CDH13: variants seen among roughly 807,000 people sequenced by gnomAD.
CDH13 encodes cadherin-13.
CDH13 carries 24 observed loss-of-function variants against 63.8 expected under a neutral mutation model. The observed-to-expected ratio is 0.38, with a 90% CI of 0.27 to 0.53. CDH13 has a LOEUF of 0.53. Among genes scored for constraint, CDH13 ranks in the 20% least tolerant of loss-of-function variants. The probability of loss-of-function intolerance (pLI) is 0.85; values close to 1 mark genes in which losing one functional copy is unlikely to be tolerated. For missense variants in CDH13, 1,049 were observed against 903.1 expected (o/e 1.16, Z -2.07); for synonymous variants, 503 against 355.3 (o/e 1.42, Z -4.67).
At chr16:82,849,589 A>G (rs2151149288) in intron 1 of CDH13, among the ~76,000 whole-genome samples, 1 of 152,360 alleles carries the variant, frequency 6.6e-6, no homozygotes, top group South Asian at 2.1e-4. Context: ...GATCTAGCTA[A>G]GATCATTGAT....
At chr16:82,982,811 C>A (rs1168654491) in intron 2 of CDH13, among the ~76,000 whole-genome samples, 1 of 152,146 alleles carries the variant, frequency 6.6e-6, no homozygotes, top group Admixed American at 6.5e-5. Flanking sequence ...CCTAATATTC[C>A]CTCCATTTCC....
chr16:82,785,531 A>G (rs980058945), intron 1 of CDH13, among the ~76,000 whole-genome samples: 6 of 152,192 alleles, frequency 3.9e-5, no homozygotes, highest in Admixed American at 6.5e-5. Flanking sequence ...GGTACAAGAT[A>G]AATCACTCCA....
chr16:83,267,203 A>C (rs1907728457), intron 5 of CDH13, among the ~76,000 whole-genome samples: 1 of 152,162 alleles, frequency 6.6e-6, no homozygotes, highest in Non-Finnish European at 1.5e-5. Context: ...ACAAAGAGGA[A>C]AATTTATCAT....
intron 7 of CDH13, among the ~76,000 whole-genome samples, chr16:83,518,571 C>T (rs367872769): frequency 2.1e-4 from 32 of 151,116 alleles, no homozygotes; most frequent in African/African-American, 7.8e-4. Flanking sequence ...CTCCCGGGTT[C>T]ACGGCATTCT....
intron 1 of CDH13, among the ~76,000 whole-genome samples, chr16:82,731,746 A>G (rs1230705507): frequency 1.3e-5 from 2 of 152,230 alleles, no homozygotes; most frequent in African/African-American, 2.4e-5. Flanking sequence ...TGTGTGTACA[A>G]TTTACAATAT....
chr16:83,644,719 T>A (rs1201084601), intron 8 of CDH13, among the ~76,000 whole-genome samples: 1 of 152,188 alleles, frequency 6.6e-6, no homozygotes, highest in Non-Finnish European at 1.5e-5. Context: ...AGAGGTGGAA[T>A]TCTAGGCCTG....
At chr16:83,228,453 A>G (rs541811994) in intron 5 of CDH13, among the ~76,000 whole-genome samples, 20 of 152,344 alleles carry the variant, frequency 1.3e-4, no homozygotes, top group Admixed American at 1.3e-3. Context: ...AGGAAGGGAC[A>G]CTATCACTGT....
chr16:83,578,253 C>G (rs1450179451), intron 7 of CDH13, among the ~76,000 whole-genome samples: 1 of 152,146 alleles, frequency 6.6e-6, no homozygotes, highest in African/African-American at 2.4e-5. Context: ...TTGACTTGCT[C>G]AAATCCTGTA....
intron 3 of CDH13, among the ~76,000 whole-genome samples, chr16:83,068,932 A>G (rs1378729576): frequency 1.3e-5 from 2 of 152,198 alleles, no homozygotes; most frequent in African/African-American, 4.8e-5. Context: ...CCCACTGGTT[A>G]AGAATGTTTT....
At chr16:83,034,366 CA>C (rs1355144572) in intron 3 of CDH13, among the ~76,000 whole-genome samples, 1 of 152,062 alleles carries the variant, frequency 6.6e-6, no homozygotes, top group East Asian at 1.9e-4. Context: ...GGATAGATGG[CA>C]ACCTAAAAAC....
intron 5 of CDH13, among the ~76,000 whole-genome samples, chr16:83,340,717 G>A (rs777784485): frequency 3.9e-5 from 6 of 152,170 alleles, no homozygotes; most frequent in African/African-American, 1.2e-4. Flanking sequence ...CCTTTGAATA[G>A]CAAGGTACTA....
intron 3 of CDH13, among the ~76,000 whole-genome samples, chr16:83,036,165 T>TTTTTTTTC (rs1555567836): frequency 6.8e-6 from 1 of 147,990 alleles, no homozygotes; most frequent in African/African-American, 2.6e-5. Flanking sequence ...TTTTTTTTTT[T>TTTTTTTTC]TGAGATAGGG....
intron 1 of CDH13, among the ~76,000 whole-genome samples, chr16:82,820,203 A>T (rs1567568248): frequency 1.3e-5 from 2 of 152,204 alleles, no homozygotes; most frequent in Non-Finnish European, 2.9e-5. Context: ...AAATGACAGC[A>T]TCACCACAAA....
intron 6 of CDH13, among the ~76,000 whole-genome samples, chr16:83,436,786 T>A (rs1323026457): frequency 1.3e-5 from 2 of 152,226 alleles, no homozygotes; most frequent in Non-Finnish European, 2.9e-5. Flanking sequence ...GTTTTCAAGG[T>A]CTGCTGTGAA....
At chr16:83,254,965 TTC>T (rs1597602738) in intron 5 of CDH13, among the ~76,000 whole-genome samples, 2 of 6,130 alleles carry the variant, frequency 3.3e-4, no homozygotes, top group East Asian at 0.05. Context: ...CTTTCTTTCT[TTC>T]TTTCTTTCTT....
chr16:82,953,288 G>A (rs1905557110), intron 2 of CDH13: 1 of 152,104 alleles, frequency 6.6e-6, no homozygotes, highest in Middle Eastern at 3.4e-3. Flanking sequence ...TGCCAAATAT[G>A]GCCATAAAGG....
At position 83,262,250 on chromosome 16, in the gene CDH13, A is replaced by G. The variant is rs1030110330; in HGVS notation, c.636+44753A>G. 3.9e-5 allele frequency among the ~76,000 whole-genome samples: 6 copies of G among 152,246 alleles called. No individual in the cohort carries two copies. In the South Asian group the frequency reaches 8.3e-4, roughly 21 times the overall value. ...TCCCCTGTAAGTATAATTTCCCCAG[A>G]CCACATGGGGTAATGGGCCTCCATG... On this transcript the variant is annotated intron_variant, in intron 5 of 13. Coordinates refer to ENST00000567109, the MANE Select transcript of CDH13 (RefSeq NM_001257.5).
intron 8 of CDH13, among the ~76,000 whole-genome samples, chr16:83,627,688 T>C (rs1473771111): frequency 6.6e-6 from 1 of 151,860 alleles, no homozygotes; most frequent in African/African-American, 2.4e-5. Flanking sequence ...GTAGCTGGGG[T>C]TATAGGTACA....
intron 5 of CDH13, among the ~76,000 whole-genome samples, chr16:83,247,345 G>C (rs1025906807): frequency 7.9e-5 from 12 of 152,296 alleles, no homozygotes; most frequent in African/African-American, 2.9e-4. Flanking sequence ...CTCAGTGGCT[G>C]AGTTGCAAAG....
Sources: gnomAD v4.1 joint callset for allele counts (sites outside exome capture counted in the v4.1 genomes callset) on GRCh38, gnomAD v4.1.1 for gene constraint, MANE v1.5 for transcripts, NCBI Gene and HGNC (gene_info 2026-07-23, HGNC 2026-07-21) for gene names.